Variants in OPCML observed in about 807,000 individuals in gnomAD.
OPCML encodes the protein opioid-binding protein/cell adhesion molecule.
A neutral mutation model predicts 37.8 loss-of-function variants in OPCML; 13 were observed. The ratio of observed to expected loss-of-function variants is 0.34; its 90% CI spans 0.22 to 0.55. The LOEUF (loss-of-function observed/expected upper bound fraction) is 0.55, where lower values mean the gene tolerates loss of function less well. OPCML is among the 20% of genes least tolerant of loss of function. OPCML has a pLI of 0.91. For missense variants in OPCML, 341 were observed against 435.6 expected (o/e 0.78, Z 1.93); for synonymous variants, 176 against 168.8 (o/e 1.04, Z -0.33).
At chr11:133,012,266 G>T (rs1335915604) in intron 1 of OPCML, among the ~76,000 whole-genome samples, 9 of 152,128 alleles carry the variant, frequency 5.9e-5, no homozygotes, top group Non-Finnish European at 1.3e-4. Context: ...ATAGTGTCAA[G>T]GTCGGGAAAA....
chr11:132,889,430 G>C (rs1210656121), intron 2 of OPCML, among the ~76,000 whole-genome samples: 3 of 152,158 alleles, frequency 2.0e-5, no homozygotes, highest in African/African-American at 7.2e-5. Context: ...CATCCACAAT[G>C]ATAACAATGC....
At position 133,344,140 on chromosome 11, in the gene OPCML, C is replaced by T. The variant is rs148729682; in HGVS notation, c.61+188124G>A. Among the ~76,000 whole-genome samples the T allele has an allele frequency of 2.0e-4, 31 of 152,296 alleles. No individual in the cohort carries two copies. In the East Asian group the frequency reaches 5.2e-3, roughly 26 times the overall value. On this transcript the variant is annotated intron_variant, in intron 1 of 7. Transcript: ENST00000524381. The stretch of plus-strand genomic sequence containing the variant: ...TCGTCATAATCCATCGGGCAATCAG[C>T]GTGCTCCCTCCCTAACTTCCGGTTT...
intron 1 of OPCML, among the ~76,000 whole-genome samples, chr11:133,032,085 T>C (rs1947684912): frequency 6.6e-6 from 1 of 152,192 alleles, no homozygotes; most frequent in Admixed American, 6.5e-5. Context: ...AGTAGTTTAA[T>C]TTTTCCAACA....
chr11:132,877,065 C>T (rs768398610), intron 2 of OPCML, among the ~76,000 whole-genome samples: 14 of 152,196 alleles, frequency 9.2e-5, no homozygotes, highest in Non-Finnish European at 2.1e-4. Flanking sequence ...GCTGGTTAAG[C>T]TGCCCAATCA....
At chr11:133,440,762 T>TTTATATATATA (rs1946347371) in intron 1 of OPCML, among the ~76,000 whole-genome samples, 1 of 126,958 alleles carries the variant, frequency 7.9e-6, no homozygotes, top group Non-Finnish European at 1.6e-5. Flanking sequence ...CCTACAGCAA[T>TTTATATATATA]TATATATATA....
chr11:132,724,629 A>G (rs1944808909), intron 2 of OPCML, among the ~76,000 whole-genome samples: 1 of 152,156 alleles, frequency 6.6e-6, no homozygotes, highest in Non-Finnish European at 1.5e-5. Flanking sequence ...CAAAGTCTTA[A>G]CCCATTTTAG....
At chr11:133,453,037 C>A (rs1230884524) in intron 1 of OPCML, among the ~76,000 whole-genome samples, 1 of 152,102 alleles carries the variant, frequency 6.6e-6, no homozygotes, top group African/African-American at 2.4e-5. Flanking sequence ...TTTTACTGTG[C>A]CACATACAAA....
chr11:133,276,224 A>G (rs1941989323), intron 1 of OPCML, among the ~76,000 whole-genome samples: 1 of 152,224 alleles, frequency 6.6e-6, no homozygotes, highest in African/African-American at 2.4e-5. Flanking sequence ...TCTTCTTTAT[A>G]AAGAAAAATT....
At chr11:132,930,858 C>T (rs973302187) in intron 2 of OPCML, among the ~76,000 whole-genome samples, 1 of 152,046 alleles carries the variant, frequency 6.6e-6, no homozygotes, top group Non-Finnish European at 1.5e-5. Context: ...ATAGCCAAAA[C>T]AATCTTGAAA....
chr11:132,688,294 T>C (rs1943250440), intron 2 of OPCML, among the ~76,000 whole-genome samples: 1 of 152,150 alleles, frequency 6.6e-6, no homozygotes, highest in African/African-American at 2.4e-5. Context: ...GATGAGCATA[T>C]TTTTCATCAC....
rs928354978 is a variant in OPCML at position 133,141,567 on chromosome 11, G to A, written c.62-198557C>T. Among the ~76,000 whole-genome samples, 13 of 152,006 alleles carry A rather than the reference G, an allele frequency of 8.6e-5. No homozygotes were observed. The East Asian group carries it at 1.4e-3, about 16-fold the overall frequency. On this transcript the variant is annotated intron_variant, in intron 1 of 7. Coordinates refer to ENST00000524381, the MANE Select transcript of OPCML (RefSeq NM_001012393.5). ...CAGATGACGGCAGTTCATAACTGTC[G>A]CTTTCACACAGATGCTTCCCATATC...
intron 1 of OPCML, among the ~76,000 whole-genome samples, chr11:133,111,055 A>G (rs1335601610): frequency 6.6e-6 from 1 of 152,172 alleles, no homozygotes; most frequent in Non-Finnish European, 1.5e-5. Context: ...ACAGCCCCCA[A>G]ATAAGGAGCT....
intron 2 of OPCML, among the ~76,000 whole-genome samples, chr11:132,677,826 G>A (rs1942775961): frequency 6.6e-6 from 1 of 152,016 alleles, no homozygotes; most frequent in South Asian, 2.1e-4. Flanking sequence ...AGAAAATCTA[G>A]ACAAACTTAG....
chr11:133,425,811 G>A lies in OPCML; in HGVS notation c.61+106453C>T, dbSNP rs1051981645. ...TAAACACGAATACATTCATCTCCTT[G>A]ATTTAACTATTTTTAATATTTTTCA... On this transcript the variant is annotated intron_variant, in intron 1 of 7. Coordinates refer to ENST00000524381, the MANE Select transcript of OPCML (RefSeq NM_001012393.5). Among the ~76,000 whole-genome samples, 63 of 152,002 alleles carry A rather than the reference G, an allele frequency of 4.1e-4. 1 individual carries two copies. Among genetic ancestry groups the A allele is most frequent in the Non-Finnish European group, 1.5e-4 (10 of 68,012 alleles).
At position 133,173,097 on chromosome 11, in the gene OPCML, T is replaced by G. The variant is rs972671957; in HGVS notation, c.62-230087A>C. ...GTGAACTTAATCTTCCACTTTACGT[T>G]GGGCTTGCTTCCAAGTGGTAATAGC... On this transcript the variant is annotated intron_variant, in intron 1 of 7. Coordinates refer to ENST00000524381, the MANE Select transcript of OPCML (RefSeq NM_001012393.5). This position sits in a 1 kb window ranked among gnomAD's most constrained non-coding sequence, Gnocchi z 7.8. 6.6e-6 allele frequency among the ~76,000 whole-genome samples: 1 copy of G among 152,228 alleles called. No individual in the cohort carries two copies. The highest frequency in any genetic ancestry group is 2.4e-5 in the African/African-American group (1 of 41,458).
At chr11:133,477,292 C>A (rs1306027543) in intron 1 of OPCML, among the ~76,000 whole-genome samples, 1 of 152,170 alleles carries the variant, frequency 6.6e-6, no homozygotes, top group Non-Finnish European at 1.5e-5. Context: ...CCCCTTTAAC[C>A]TGTTCTCTGG....
intron 1 of OPCML, among the ~76,000 whole-genome samples, chr11:133,057,216 AG>A: frequency 6.6e-6 from 1 of 152,304 alleles, no homozygotes; most frequent in South Asian, 2.1e-4. Flanking sequence ...GTAGGTAGGT[AG>A]GATCACATGT....
chr11:132,556,005 C>T (rs2096394680), intron 3 of OPCML, among the ~76,000 whole-genome samples: 1 of 152,052 alleles, frequency 6.6e-6, no homozygotes, highest in Non-Finnish European at 1.5e-5. Flanking sequence ...GTGGTGTGAT[C>T]ATGGCCCACT....
chr11:132,791,704 G>C (rs1937919796), intron 2 of OPCML, among the ~76,000 whole-genome samples: 1 of 152,082 alleles, frequency 6.6e-6, no homozygotes. Context: ...CTCATAAATA[G>C]GCACAGCTTC....
Sources: gnomAD v4.1 joint callset for allele counts (sites outside exome capture counted in the v4.1 genomes callset) on GRCh38, gnomAD v4.1.1 for gene constraint, Gnocchi (gnomAD v3.1) non-coding constraint, MANE v1.5 for transcripts, NCBI Gene and HGNC (gene_info 2026-07-23, HGNC 2026-07-21) for gene names.